Variants in CYP7B1 observed in about 807,000 individuals in gnomAD.
CYP7B1 encodes the protein cytochrome P450 family 7 subfamily B member 1, also known as cytochrome P450 7B1.
CYP7B1 carries 29 observed loss-of-function variants against 42.7 expected under a neutral mutation model. The ratio of observed to expected loss-of-function variants is 0.68; its 90% CI spans 0.51 to 0.93. The LOEUF is 0.93. CYP7B1 is among the 40% of genes least tolerant of loss of function. The pLI, the probability that CYP7B1 is intolerant of heterozygous loss-of-function variation, is 0.00. For synonymous variants in CYP7B1, 235 were observed against 218.2 expected, an observed-to-expected ratio of 1.08 and a Z score of -0.68; for missense variants, 655 against 600.5, an observed-to-expected ratio of 1.09 and a Z score of -0.95.
chr8:64,727,035 ATTCATAC>A (rs1807335303), intron 1 of CYP7B1, among the ~76,000 whole-genome samples: 2 of 152,170 alleles, frequency 1.3e-5, no homozygotes, highest in Admixed American at 1.3e-4. Flanking sequence ...AATAGGTCTA[ATTCATAC>A]TCCAGAGTGC....
At chr8:64,727,583 G>A (rs1807342383) in intron 1 of CYP7B1, among the ~76,000 whole-genome samples, 1 of 152,144 alleles carries the variant, frequency 6.6e-6, no homozygotes, top group Non-Finnish European at 1.5e-5. Flanking sequence ...TCCCAGTACT[G>A]CATTCTTCTA....
intron 1 of CYP7B1, among the ~76,000 whole-genome samples, chr8:64,785,377 A>G (rs1804506804): frequency 6.6e-6 from 1 of 152,228 alleles, no homozygotes; most frequent in South Asian, 2.1e-4. Context: ...AACGAGTTCA[A>G]AACTGAAGTC....
intron 5 of CYP7B1, among the ~76,000 whole-genome samples, chr8:64,600,055 GA>G (rs1400735362): frequency 6.6e-6 from 1 of 152,048 alleles, no homozygotes; most frequent in Non-Finnish European, 1.5e-5. Context: ...AAATACATGA[GA>G]AAAAAGTATA....
At chr8:64,745,529 A>C (rs1807630902) in intron 1 of CYP7B1, among the ~76,000 whole-genome samples, 1 of 152,160 alleles carries the variant, frequency 6.6e-6, no homozygotes, top group Non-Finnish European at 1.5e-5. Flanking sequence ...TAGCTTTGCC[A>C]CCAGAGTTAA....
At chr8:64,636,895 A>G (rs532783405) in intron 1 of CYP7B1, among the ~76,000 whole-genome samples, 2 of 152,348 alleles carry the variant, frequency 1.3e-5, no homozygotes, top group Non-Finnish European at 2.9e-5. Flanking sequence ...CTAAATTTGT[A>G]ATTTCTGAGA....
intron 4 of CYP7B1, among the ~76,000 whole-genome samples, chr8:64,605,187 C>T (rs1395463866): frequency 6.6e-6 from 1 of 152,158 alleles, no homozygotes; most frequent in African/African-American, 2.4e-5. Flanking sequence ...GAAATTAAAA[C>T]CATATCCCAG....
intron 1 of CYP7B1, among the ~76,000 whole-genome samples, chr8:64,716,368 A>C (rs919726530): frequency 9.2e-5 from 14 of 152,184 alleles, no homozygotes; most frequent in Non-Finnish European, 2.1e-4. Context: ...TCTTTTGTTA[A>C]ATTTATCCCT....
chr8:64,683,675 A>G (rs1417044987), intron 1 of CYP7B1, among the ~76,000 whole-genome samples: 1 of 152,230 alleles, frequency 6.6e-6, no homozygotes, highest in Non-Finnish European at 1.5e-5. Context: ...TGGGCTTATT[A>G]AACATTGCGT....
intron 1 of CYP7B1, among the ~76,000 whole-genome samples, chr8:64,677,471 C>T (rs1806465836): frequency 7.0e-6 from 1 of 143,086 alleles, no homozygotes; most frequent in African/African-American, 2.5e-5. Flanking sequence ...AAAATGATTT[C>T]CTGGTGATTA....
At chr8:64,588,989 G>A (rs1020955563), downstream of CYP7B1, among the ~76,000 whole-genome samples, 5 of 152,206 alleles carry the variant, frequency 3.3e-5, no homozygotes, top group African/African-American at 7.2e-5. Context: ...GAAGCATCAG[G>A]CATACATCTC....
At chr8:64,693,266 C>T (rs902019856) in intron 1 of CYP7B1, among the ~76,000 whole-genome samples, 1 of 152,190 alleles carries the variant, frequency 6.6e-6, no homozygotes, top group Admixed American at 6.5e-5. Context: ...TGTAAGTGTG[C>T]ATGTGTGCAT....
rs1807927267 is a variant in CYP7B1 at position 64,763,831 on chromosome 8, G to A, written c.122+34635C>T. Among the ~76,000 whole-genome samples, 8 of 152,220 alleles carry A rather than the reference G, an allele frequency of 5.3e-5. No homozygotes were observed. In the South Asian group the frequency reaches 1.5e-3, roughly 28 times the overall value. On this transcript the variant is annotated intron_variant, in intron 1 of 5. Transcript: ENST00000310193. ...CTACCCAACAGTCGCCCATGCGTGT[G>A]CCCCTACCTTTCCTTCTGACCCATA... is the stretch of plus-strand genomic sequence containing the variant.
intron 4 of CYP7B1, among the ~76,000 whole-genome samples, chr8:64,606,343 G>T (rs193152681): frequency 1.3e-5 from 2 of 152,348 alleles, no homozygotes. Flanking sequence ...TGAAAAGCAA[G>T]GCTCGGCCTC....
Position 64,782,529 on chromosome 8 carries a change from C to T in CYP7B1, c.122+15937G>A, listed in dbSNP as rs558361670. Among the ~76,000 whole-genome samples, 18 of 152,202 alleles carry T rather than the reference C, an allele frequency of 1.2e-4. No individual in the cohort carries two copies. In the East Asian group the frequency reaches 2.9e-3, roughly 24 times the overall value. ...AATAACTTCGATCTTTCTAATCCTC[C>T]CAGTCTATGATATTTTTATTAGAGC... On this transcript the variant is annotated intron_variant, in intron 1 of 5. Coordinates refer to ENST00000310193, the MANE Select transcript of CYP7B1 (RefSeq NM_004820.5).
At chr8:64,649,867 T>C (rs1403074565) in intron 1 of CYP7B1, among the ~76,000 whole-genome samples, 1 of 152,220 alleles carries the variant, frequency 6.6e-6, no homozygotes, top group East Asian at 1.9e-4. Flanking sequence ...TCTTTGGAGA[T>C]ATGTATATTC....
intron 1 of CYP7B1, among the ~76,000 whole-genome samples, chr8:64,787,787 A>C (rs1414740878): frequency 6.6e-6 from 1 of 152,194 alleles, no homozygotes; most frequent in Non-Finnish European, 1.5e-5. Flanking sequence ...CATACCCAAG[A>C]CTGGCTAATT....
At chr8:64,712,995 T>C (rs1270145549) in intron 1 of CYP7B1, among the ~76,000 whole-genome samples, 4 of 152,192 alleles carry the variant, frequency 2.6e-5, no homozygotes, top group African/African-American at 7.2e-5. Flanking sequence ...TACACCTAAA[T>C]GATCTTCTCT....
At chr8:64,686,090 C>G (rs539204575) in intron 1 of CYP7B1, among the ~76,000 whole-genome samples, 2 of 111,762 alleles carry the variant, frequency 1.8e-5, no homozygotes, top group Non-Finnish European at 3.8e-5. Context: ...CCGCCCCGTC[C>G]GGGAGGGAGG....
chr8:64,614,849 T>A (rs1413323745), intron 4 of CYP7B1, among the ~76,000 whole-genome samples, 177 bp downstream of exon 4: 1 of 152,148 alleles, frequency 6.6e-6, no homozygotes, highest in Admixed American at 6.5e-5. Flanking sequence ...CCTTAATGTT[T>A]ACATGCAATG....
Sources: gnomAD v4.1 joint callset for allele counts (sites outside exome capture counted in the v4.1 genomes callset) on GRCh38, gnomAD v4.1.1 for gene constraint, MANE v1.5 for transcripts, NCBI Gene and HGNC (gene_info 2026-07-23, HGNC 2026-07-21) for gene names.